The following AFAP1L2 variants were observed in gnomAD, a reference collection of about 807,000 sequenced individuals.
AFAP1L2 encodes the protein actin filament associated protein 1 like 2, also known as actin filament-associated protein 1-like 2.
A neutral mutation model predicts 99.3 loss-of-function variants in AFAP1L2; 46 were observed. The ratio of observed to expected loss-of-function variants is 0.46; its 90% CI spans 0.37 to 0.59. The LOEUF is 0.59. Among genes scored for constraint, AFAP1L2 ranks in the 20% least tolerant of loss-of-function variants. The probability of loss-of-function intolerance (pLI) is 0.00; values close to 1 mark genes in which losing one functional copy is unlikely to be tolerated. For synonymous variants in AFAP1L2, 397 were observed against 419.1 expected (o/e 0.95, Z 0.64); for missense variants, 959 against 1,034.9 (o/e 0.93, Z 1.01).
intron 4 of AFAP1L2, among the ~76,000 whole-genome samples, chr10:114,329,000 G>A (rs1297595303): frequency 6.6e-6 from 1 of 152,236 alleles, no homozygotes; most frequent in Non-Finnish European, 1.5e-5. Flanking sequence ...CACAAAGTGG[G>A]AGGGAGCTGC....
intron 1 of AFAP1L2, among the ~76,000 whole-genome samples, chr10:114,391,567 G>A (rs903795548): frequency 1.3e-5 from 2 of 152,168 alleles, no homozygotes; most frequent in Non-Finnish European, 2.9e-5. Flanking sequence ...TGAGATTAGT[G>A]CTGTGAACAC....
intron 1 of AFAP1L2, among the ~76,000 whole-genome samples, chr10:114,403,302 C>T (rs2058395244): frequency 6.6e-6 from 1 of 152,130 alleles, no homozygotes; most frequent in Admixed American, 6.5e-5. Flanking sequence ...CCAGGCTACC[C>T]AGATGAGAAA....
At chr10:114,329,583 C>T (rs1039386188) in intron 4 of AFAP1L2, among the ~76,000 whole-genome samples, 3 of 152,182 alleles carry the variant, frequency 2.0e-5, no homozygotes, top group Non-Finnish European at 4.4e-5. Flanking sequence ...TCAGAACAGC[C>T]ACCTTTCCAC....
At position 114,310,393 on chromosome 10, in the gene AFAP1L2, G is replaced by C. The variant is rs781141079; in HGVS notation, c.843C>G (p.Asn281Lys). The C allele has an allele frequency of 1.2e-6, 2 of 1,613,892 alleles. No individual in the cohort carries two copies. Among genetic ancestry groups the C allele is most frequent in the African/African-American group, 2.7e-5 (2 of 74,906 alleles). The change falls in exon 8 of 19, where the codon AAC becomes AAG. Residue 281 changes from asparagine (N) to lysine (K), a missense_variant. Physicochemically the swap from Asn to Lys is moderately conservative, Grantham distance 94. Coordinates refer to ENST00000304129, the MANE Select transcript of AFAP1L2 (RefSeq NM_001001936.3). ...GLPSEGASEGNQYTPDAQRFN... is the reference protein window; with the variant it reads ...GLPSEGASEGKQYTPDAQRFN... ...AGCGCTGGGCATCCGGGGTGTACTG[G>C]TTTCCTTCAGATGCTCCTTCGGAAG...
intron 1 of AFAP1L2, among the ~76,000 whole-genome samples, chr10:114,344,051 A>G (rs1337112007): frequency 1.3e-5 from 2 of 152,232 alleles, no homozygotes; most frequent in Non-Finnish European, 2.9e-5. Context: ...ACCATAATCT[A>G]GCCTTATAAA....
chr10:114,362,844 T>A (rs1464848349), intron 1 of AFAP1L2: 1 of 709,578 alleles, frequency 1.4e-6, no homozygotes, highest in African/African-American at 1.9e-5. Flanking sequence ...AAGAATTTGA[T>A]TATATTTCAA....
chr10:114,335,476 A>G (rs764667460), intron 2 of AFAP1L2, among the ~76,000 whole-genome samples: 4 of 151,920 alleles, frequency 2.6e-5, no homozygotes, highest in Admixed American at 6.6e-5. Flanking sequence ...AGCCAGGTGT[A>G]GTGGTGGGCG....
rs953144005 is a variant in AFAP1L2 at position 114,339,196 on chromosome 10, C to T, written c.145+1407G>A. Among the ~76,000 whole-genome samples the T allele has an allele frequency of 5.3e-5, 8 of 152,362 alleles. No homozygotes were observed. In the East Asian group the frequency reaches 1.2e-3, roughly 22 times the overall value. On this transcript the variant is annotated intron_variant, in intron 2 of 18. Transcript: ENST00000304129. ...CACTTAGGCCGGGCGCGGTGGCTCA[C>T]GCCTGTAATCCCAGCACTTTGGGAG...
intron 1 of AFAP1L2, among the ~76,000 whole-genome samples, chr10:114,402,508 A>C (rs1298261920): frequency 1.3e-5 from 2 of 152,220 alleles, no homozygotes; most frequent in Non-Finnish European, 2.9e-5. Context: ...GATAATTCTC[A>C]GGTTTACCCA....
At chr10:114,303,322 T>C (rs1052709482) in intron 11 of AFAP1L2, among the ~76,000 whole-genome samples, 1 of 152,132 alleles carries the variant, frequency 6.6e-6, no homozygotes, top group African/African-American at 2.4e-5. Context: ...TTTTTTTTAT[T>C]TTAAAGACAG....
At chr10:114,372,638 AATAT>A (rs975897817) in intron 1 of AFAP1L2, among the ~76,000 whole-genome samples, 28 of 151,516 alleles carry the variant, frequency 1.8e-4, no homozygotes, top group Non-Finnish European at 4.1e-4. Context: ...ATACATATAT[AATAT>A]ATATACACAT....
intron 10 of AFAP1L2, 128 bp downstream of exon 10, chr10:114,307,677 G>T (rs1336765607): frequency 9.7e-6 from 7 of 722,740 alleles, no homozygotes; most frequent in Non-Finnish European, 1.7e-5. Flanking sequence ...GAGGGCTGCA[G>T]GCTCTCCATT....
chr10:114,286,577 C>T, the AFAP1L2 span: 1 of 1,385,140 alleles, frequency 7.2e-7, no homozygotes, highest in South Asian at 1.4e-5. Flanking sequence ...TTTTGGCCAC[C>T]ACCTAACCAT....
chr10:114,353,996 G>T (rs1413939546), intron 1 of AFAP1L2, among the ~76,000 whole-genome samples: 1 of 152,168 alleles, frequency 6.6e-6, no homozygotes, highest in Non-Finnish European at 1.5e-5. Context: ...GAGCCCTCTG[G>T]GGTAGCCTGA....
chr10:114,382,402 A>G (rs897978797), intron 1 of AFAP1L2, among the ~76,000 whole-genome samples: 15 of 152,130 alleles, frequency 9.9e-5, no homozygotes, highest in Non-Finnish European at 2.2e-4. Flanking sequence ...GAGAGCTAAA[A>G]AAGTTGATCA....
chr10:114,344,587 T>C (rs1024616469), intron 1 of AFAP1L2, among the ~76,000 whole-genome samples: 2 of 152,216 alleles, frequency 1.3e-5, no homozygotes, highest in African/African-American at 4.8e-5. Context: ...GTGCTGGGCC[T>C]GGCCCTGGGG....
At position 114,319,689 on chromosome 10, in the gene AFAP1L2, A is replaced by G. The variant is rs532742860; in HGVS notation, c.406+3482T>C. 3.5e-4 allele frequency: 448 copies of G among 1,268,284 alleles called. 1 individual carries two copies. The African/African-American group carries it at 6.4e-3, about 18-fold the overall frequency. 78.6% of individuals were successfully genotyped at this position (1,268,284 alleles called of 1,614,324 possible). ...CACAGACAGAGGGAAGAGAAGAGAG[A>G]CAGAATGAAGAGAGGAGCACGCCCA... On this transcript the variant is annotated intron_variant, in intron 5 of 18. Transcript: ENST00000304129.
At chr10:114,403,143 G>C (rs2058380357) in intron 1 of AFAP1L2, among the ~76,000 whole-genome samples, 1 of 152,260 alleles carries the variant, frequency 6.6e-6, no homozygotes, top group African/African-American at 2.4e-5. Flanking sequence ...AAATGCGAGA[G>C]AAGCTCCAGG....
At position 114,297,382 on chromosome 10, in the gene AFAP1L2, C is replaced by T. The variant is rs776453176; in HGVS notation, c.2145G>A (p.Lys715=). 1 of 1,613,574 alleles carries T rather than the reference C, an allele frequency of 6.2e-7. No individual in the cohort carries two copies. The highest frequency in any genetic ancestry group is 8.5e-7 in the Non-Finnish European group (1 of 1,179,996). ...DKEVLASLEQ[K]LKEIDEECRG... is the part of the protein sequence containing the mutation. ...GGCACTCCTCGTCAATTTCCTTCAG[C>T]TTCTGCTCCAGGCTCGCCAGGACTT... Residue 715 remains lysine, a synonymous_variant, in exon 17 of 19, where the codon AAG becomes AAA. Transcript: ENST00000304129.
Sources: allele counts gnomAD v4.1 joint callset (sites outside exome capture counted in the v4.1 genomes callset), GRCh38; gene constraint gnomAD v4.1.1; transcripts MANE v1.5; gene names NCBI Gene and HGNC (gene_info 2026-07-23, HGNC 2026-07-21).